ERN1: variants seen among roughly 807,000 people sequenced by gnomAD.
ERN1 encodes the protein serine/threonine-protein kinase/endoribonuclease IRE1.
Under a neutral mutation model 113.1 loss-of-function variants are expected in ERN1, and 39 were observed. The observed-to-expected ratio is 0.34, with a 90% confidence interval of 0.27 to 0.45. The LOEUF (loss-of-function observed/expected upper bound fraction) is 0.45. ERN1 is among the 20% of genes least tolerant of loss of function. ERN1 has a pLI of 1.00. For missense variants in ERN1, 976 were observed against 1,274.8 expected (o/e 0.77, Z 3.57); for synonymous variants, 507 against 515.9 (o/e 0.98, Z 0.23).
chr17:64,100,858 A>G (rs771136028), intron 1 of ERN1, among the ~76,000 whole-genome samples: 30 of 152,186 alleles, frequency 2.0e-4, no homozygotes, highest in Admixed American at 8.5e-4. Context: ...TGCCACATGG[A>G]AAAAGCTGAA....
rs376236458 is a variant in ERN1, at chr17:64,079,860, T to C, written c.210-126A>G. 115 of 685,590 alleles carry C rather than the reference T, an allele frequency of 1.7e-4. No individual in the cohort carries two copies. The African/African-American group carries it at 1.9e-3, about 11-fold the overall frequency. 42.5% of individuals were successfully genotyped at this position (685,590 alleles called of 1,614,324 possible). A position where few individuals can be genotyped will look rare whatever the true frequency, so the allele number is the denominator to read the frequency against. ...GGGTGGTTGTGTGTAGGTGTATAAGTGAGTATATAAGACAATTCCACCCAC... is the reference window on the plus strand; with the variant it reads ...GGGTGGTTGTGTGTAGGTGTATAAGCGAGTATATAAGACAATTCCACCCAC... On this transcript the variant is annotated intron_variant, in intron 3 of 21. Coordinates refer to ENST00000433197, the MANE Select transcript of ERN1 (RefSeq NM_001433.5).
chr17:64,050,405 T>C (rs948155786), intron 17 of ERN1, among the ~76,000 whole-genome samples: 17 of 152,218 alleles, frequency 1.1e-4, no homozygotes, highest in African/African-American at 4.1e-4. Flanking sequence ...AAACTTATTA[T>C]TGCCACTTGT....
chr17:64,129,945 G>A (rs1232539082), intron 1 of ERN1, 31 bp downstream of exon 1: 2 of 1,435,052 alleles, frequency 1.4e-6, no homozygotes, highest in Non-Finnish European at 1.8e-6. Flanking sequence ...GTCGCGAGCT[G>A]TCCTCCACCC....
intron 1 of ERN1, among the ~76,000 whole-genome samples, chr17:64,122,215 T>C (rs953105881): frequency 6.6e-6 from 1 of 152,224 alleles, no homozygotes; most frequent in Non-Finnish European, 1.5e-5. Context: ...TTACCAGCCC[T>C]TGCTGGTTGC....
chr17:64,075,147 A>G, intron 5 of ERN1, 28 bp downstream of exon 5: 1 of 1,525,352 alleles, frequency 6.6e-7, no homozygotes. Flanking sequence ...TCAAAGAGAC[A>G]CAAGTTTCTG....
chr17:64,100,731 A>C (rs939935647), intron 1 of ERN1, among the ~76,000 whole-genome samples: 26 of 152,288 alleles, frequency 1.7e-4, no homozygotes, highest in African/African-American at 5.8e-4. Flanking sequence ...ACACTGAGCC[A>C]AGGTCACACC....
At chr17:64,060,702 A>C in intron 10 of ERN1, 115 bp from the exon 11 acceptor site, 1 of 705,524 alleles carries the variant, frequency 1.4e-6, no homozygotes, top group Non-Finnish European at 2.5e-6. Context: ...GCAAACTCTC[A>C]GCAGGACTGT....
intron 12 of ERN1, among the ~76,000 whole-genome samples, chr17:64,057,365 T>C (rs9896762): frequency 6.0e-4 from 2 of 3,316 alleles, no homozygotes; most frequent in African/African-American, 9.3e-4. Context: ...TTTTTTTTTC[T>C]TTTTTTTTGA....
intron 1 of ERN1, among the ~76,000 whole-genome samples, chr17:64,108,985 G>C (rs549969782): frequency 1.3e-5 from 2 of 152,090 alleles, no homozygotes; most frequent in Non-Finnish European, 2.9e-5. Context: ...TTAGCTGGGC[G>C]TGGTGGCGGG....
intron 2 of ERN1, among the ~76,000 whole-genome samples, chr17:64,096,408 AG>A (rs1359129947): frequency 1.9e-4 from 29 of 152,358 alleles, no homozygotes; most frequent in African/African-American, 7.0e-4. Flanking sequence ...GGGACTGTCT[AG>A]TTGCAGGAAA....
intron 17 of ERN1, among the ~76,000 whole-genome samples, chr17:64,051,140 G>T (rs1912670076): frequency 2.2e-5 from 3 of 137,638 alleles, no homozygotes; most frequent in Non-Finnish European, 4.9e-5. Flanking sequence ...CAAAATCCTT[G>T]AGCCCATAGC....
chr17:64,042,752 C>G lies in ERN1; in HGVS notation c.*1236G>C, dbSNP rs757044834. The G allele has an allele frequency of 2.6e-5, 4 of 152,066 alleles. No homozygotes were observed. Among genetic ancestry groups the G allele is most frequent in the Non-Finnish European group, 5.9e-5 (4 of 68,024 alleles). 9.4% of individuals were successfully genotyped at this position (152,066 alleles called of 1,614,324 possible). On this transcript the variant is annotated 3_prime_UTR_variant, in exon 22 of 22. Coordinates refer to ENST00000433197, the MANE Select transcript of ERN1 (RefSeq NM_001433.5). ...TGTTCAATACATTTACATAGTGTTG[C>G]TATAATGTTTTACTCTTCAGCATTA...
intron 2 of ERN1, among the ~76,000 whole-genome samples, chr17:64,087,852 C>T (rs886436134): frequency 1.1e-4 from 16 of 152,126 alleles, no homozygotes; most frequent in Non-Finnish European, 2.2e-4. Flanking sequence ...GAAGGGAAAC[C>T]CAAGTTAAGA....
chr17:64,059,893 G>A (rs1332955894), intron 11 of ERN1, among the ~76,000 whole-genome samples: 1 of 114,070 alleles, frequency 8.8e-6, no homozygotes, highest in Non-Finnish European at 1.7e-5. Context: ...GTCTTGCTAT[G>A]TTGCCCAGGC....
At chr17:64,085,345 C>T (rs980286684) in intron 2 of ERN1, among the ~76,000 whole-genome samples, 2 of 152,134 alleles carry the variant, frequency 1.3e-5, no homozygotes, top group Admixed American at 6.5e-5. Flanking sequence ...AAAGGGGAAC[C>T]GGAGTGTACA....
intron 1 of ERN1, among the ~76,000 whole-genome samples, chr17:64,125,139 T>C (rs1427728217): frequency 6.6e-6 from 1 of 152,332 alleles, no homozygotes; most frequent in Admixed American, 6.5e-5. Context: ...GTGAATTATA[T>C]CTCAATAAAA....
Position 64,040,768 on chromosome 17 carries a change from G to C in ERN1, c.*3220C>G, listed in dbSNP as rs1447121041. On this transcript the variant is annotated 3_prime_UTR_variant, in exon 22 of 22. Coordinates refer to ENST00000433197, the MANE Select transcript of ERN1 (RefSeq NM_001433.5). Reference sequence around the variant, plus strand: ...CCCAGGATTTCACACTTAGCCACTAGATTGCTTCACAGCTAATCAGGGAAA... The same window carrying C: ...CCCAGGATTTCACACTTAGCCACTACATTGCTTCACAGCTAATCAGGGAAA... 1 of 152,212 alleles carries C rather than the reference G, an allele frequency of 6.6e-6. No homozygotes were observed. Among genetic ancestry groups the C allele is most frequent in the Non-Finnish European group, 1.5e-5 (1 of 68,056 alleles). 9.4% of individuals were successfully genotyped at this position (152,212 alleles called of 1,614,324 possible).
chr17:64,123,025 T>C (rs551619193), intron 1 of ERN1, among the ~76,000 whole-genome samples: 1 of 152,264 alleles, frequency 6.6e-6, no homozygotes, highest in Non-Finnish European at 1.5e-5. Flanking sequence ...TAATTTTTTG[T>C]TCCCTTTTTT....
chr17:64,128,866 TACAG>T (rs1224872414), intron 1 of ERN1: 3 of 151,612 alleles, frequency 2.0e-5, no homozygotes, highest in South Asian at 2.1e-4. Context: ...ACTCCAAGAG[TACAG>T]ACAGTTATTT....
Sources: allele counts gnomAD v4.1 joint callset (sites outside exome capture counted in the v4.1 genomes callset), GRCh38; gene constraint gnomAD v4.1.1; transcripts MANE v1.5; gene names NCBI Gene and HGNC (gene_info 2026-07-23, HGNC 2026-07-21).